DNER: variants seen among roughly 807,000 people sequenced by gnomAD.
The protein encoded by DNER is delta/notch like EGF repeat containing.
A neutral mutation model predicts 78.2 loss-of-function variants in DNER; 33 were observed. That is an observed-to-expected ratio of 0.42 (90% confidence interval 0.32 to 0.56). The LOEUF is 0.56. DNER is among the 20% of genes least tolerant of loss of function. The pLI is 0.11. For missense variants in DNER, 918 were observed against 975.3 expected (o/e 0.94, Z 0.78); for synonymous variants, 417 against 384.8 (o/e 1.08, Z -0.98).
intron 11 of DNER, among the ~76,000 whole-genome samples, chr2:229,377,258 T>C (rs1458484210): frequency 6.6e-6 from 1 of 152,228 alleles, no homozygotes; most frequent in African/African-American, 2.4e-5. Context: ...ATATCATTAA[T>C]TCAATAGTTT....
Position 229,380,579 on chromosome 2 carries a change from A to G in DNER, c.1855+7686T>C, listed in dbSNP as rs538731804. 2.1e-4 allele frequency among the ~76,000 whole-genome samples: 32 copies of G among 152,324 alleles called. 1 individual carries two copies. In the South Asian group the frequency reaches 4.8e-3, roughly 23 times the overall value. ...GATCAAATTGCCCCAGCTAATTTAA[A>G]TAAGAAGACAATACCTTTCAAAGTT... On this transcript the variant is annotated intron_variant, in intron 11 of 12. Transcript: ENST00000341772.
intron 4 of DNER, among the ~76,000 whole-genome samples, chr2:229,562,644 A>C (rs987229315): frequency 3.3e-5 from 5 of 152,090 alleles, no homozygotes; most frequent in Non-Finnish European, 5.9e-5. Context: ...GGTAATGGAA[A>C]GATTACACCA....
chr2:229,615,605 G>A (rs4414668), intron 1 of DNER, among the ~76,000 whole-genome samples: 89,858 of 151,800 alleles, frequency 0.59, 27,531 homozygotes, highest in Non-Finnish European at 0.69. Context: ...CCAGCTACTC[G>A]GGAGGCTGAG....
intron 5 of DNER, among the ~76,000 whole-genome samples, chr2:229,545,280 T>C (rs1696602181): frequency 6.6e-6 from 1 of 152,062 alleles, no homozygotes; most frequent in South Asian, 2.1e-4. Flanking sequence ...CAAAATATTT[T>C]AAGGAAGCTC....
rs114098256 is a variant in DNER at position 229,643,077 on chromosome 2, C to T, written c.277-51189G>A. Among the ~76,000 whole-genome samples, 1,162 of 152,202 alleles carry T rather than the reference C, an allele frequency of 7.6e-3. 5 individuals are homozygous for T. Among genetic ancestry groups the T allele is most frequent in the Middle Eastern group, 0.031 (9 of 292 alleles). On this transcript the variant is annotated intron_variant, in intron 1 of 12. Transcript: ENST00000341772. ...CAAAAGCATACAGAAATTACCCAGGCATCATAGCATTCACCTTTACTCCCA... is the reference window on the plus strand; with the variant it reads ...CAAAAGCATACAGAAATTACCCAGGTATCATAGCATTCACCTTTACTCCCA...
intron 4 of DNER, among the ~76,000 whole-genome samples, chr2:229,557,604 G>T (rs1696875326): frequency 6.6e-6 from 1 of 151,730 alleles, no homozygotes; most frequent in South Asian, 2.1e-4. Context: ...GCAAGAAAGA[G>T]AAATAGAAAG....
intron 4 of DNER, among the ~76,000 whole-genome samples, chr2:229,554,025 T>C (rs1411070053): frequency 6.6e-6 from 1 of 152,188 alleles, no homozygotes; most frequent in African/African-American, 2.4e-5. Context: ...GTAGGAATAA[T>C]AACCCAAGTA....
At chr2:229,419,880 G>A (rs920879328) in intron 8 of DNER, among the ~76,000 whole-genome samples, 1 of 148,844 alleles carries the variant, frequency 6.7e-6, no homozygotes, top group African/African-American at 2.5e-5. Context: ...GACATTTTTC[G>A]TTGTCACAAC....
intron 5 of DNER, among the ~76,000 whole-genome samples, chr2:229,527,167 G>A (rs1696226283): frequency 6.6e-6 from 1 of 151,942 alleles, no homozygotes; most frequent in Admixed American, 6.5e-5. Context: ...TTCTTCCAGA[G>A]CCTGTAAAGC....
intron 1 of DNER, among the ~76,000 whole-genome samples, chr2:229,696,074 G>A (rs1282805057): frequency 6.6e-6 from 1 of 152,126 alleles, no homozygotes; most frequent in Non-Finnish European, 1.5e-5. Flanking sequence ...AATTAACAAG[G>A]CTTGGGTTAT....
intron 5 of DNER, among the ~76,000 whole-genome samples, chr2:229,522,585 C>T (rs991403020): frequency 2.6e-5 from 4 of 152,114 alleles, no homozygotes; most frequent in African/African-American, 7.2e-5. Flanking sequence ...ATTTAGCCCT[C>T]TAGTTATTTC....
intron 5 of DNER, among the ~76,000 whole-genome samples, chr2:229,532,787 G>A (rs550111535): frequency 1.8e-3 from 272 of 152,318 alleles, no homozygotes; most frequent in Non-Finnish European, 3.3e-3. Context: ...TAATTGGCTG[G>A]CTTTCATTTT....
At chr2:229,552,749 T>C (rs1230759650) in intron 4 of DNER, among the ~76,000 whole-genome samples, 1 of 152,142 alleles carries the variant, frequency 6.6e-6, no homozygotes, top group African/African-American at 2.4e-5. Flanking sequence ...TTTGTAGCGG[T>C]GTGAAAACTG....
chr2:229,410,903 C>T (rs6753093), intron 9 of DNER, among the ~76,000 whole-genome samples: 58,312 of 151,812 alleles, frequency 0.38, 12,564 homozygotes, highest in Non-Finnish European at 0.48. Flanking sequence ...TTTAAGACAT[C>T]GTCTCATTTC....
intron 7 of DNER, among the ~76,000 whole-genome samples, chr2:229,453,922 A>T (rs1306284045): frequency 1.5e-4 from 6 of 39,350 alleles, no homozygotes; most frequent in Admixed American, 1.2e-3. Flanking sequence ...AAATATATTA[A>T]AAAAAAAAAA....
chr2:229,435,111 C>T lies in DNER; in HGVS notation c.1486+12205G>A, dbSNP rs55669826. Among the ~76,000 whole-genome samples, 4 of 152,226 alleles carry T rather than the reference C, an allele frequency of 2.6e-5. No individual in the cohort carries two copies. The South Asian group carries it at 8.3e-4, about 32-fold the overall frequency. On this transcript the variant is annotated intron_variant, in intron 8 of 12. Transcript: ENST00000341772. ...CTGTGACTTGCTCATGCCACTGGGA[C>T]ATTGGCAAACAACAGAAGAAGCAGC...
intron 1 of DNER, among the ~76,000 whole-genome samples, chr2:229,643,953 G>A (rs749254919): frequency 6.6e-6 from 1 of 152,030 alleles, no homozygotes; most frequent in South Asian, 2.1e-4. Flanking sequence ...TAAGAACCAC[G>A]CAAATGCCCC....
At chr2:229,621,405 C>G (rs1051231306) in intron 1 of DNER, among the ~76,000 whole-genome samples, 2 of 152,146 alleles carry the variant, frequency 1.3e-5, no homozygotes, top group Middle Eastern at 3.2e-3. Flanking sequence ...GAGGCTGGCC[C>G]CGATGCTACT....
intron 1 of DNER, among the ~76,000 whole-genome samples, chr2:229,636,511 C>T (rs1457732188): frequency 6.6e-6 from 1 of 152,148 alleles, no homozygotes; most frequent in Non-Finnish European, 1.5e-5. Context: ...TGGTGCAAGT[C>T]CTGCGTCTTA....
Sources: gnomAD v4.1 joint callset for allele counts (sites outside exome capture counted in the v4.1 genomes callset) on GRCh38, gnomAD v4.1.1 for gene constraint, MANE v1.5 for transcripts, NCBI Gene and HGNC (gene_info 2026-07-23, HGNC 2026-07-21) for gene names.